Variants in FNBP1L observed in about 807,000 individuals in gnomAD.
FNBP1L encodes formin binding protein 1 like, also known as formin-binding protein 1-like.
FNBP1L carries 36 observed loss-of-function variants against 91.2 expected under a neutral mutation model. The ratio of observed to expected loss-of-function variants is 0.39; its 90% confidence interval spans 0.30 to 0.52. The LOEUF (loss-of-function observed/expected upper bound fraction) is 0.52. Ranked by LOEUF, FNBP1L falls within the 20% of genes least tolerant of loss-of-function variation. The pLI is 0.66. For missense variants in FNBP1L, 571 were observed against 732.1 expected (o/e 0.78, Z 2.54); for synonymous variants, 242 against 237.0 (o/e 1.02, Z -0.19).
At chr1:93,534,989 T>TTTGCAAAA (rs1671798450) in intron 9 of FNBP1L, 81 bp downstream of exon 9, 2 of 1,072,290 alleles carry the variant, frequency 1.9e-6, no homozygotes, top group Non-Finnish European at 2.7e-6. Context: ...GCAAAATGAT[T>TTTGCAAAA]TACCATTAAT....
chr1:93,522,076 C>T lies in FNBP1L; in HGVS notation c.141-6C>T. On this transcript the variant is annotated splice_polypyrimidine_tract_variant and splice_region_variant and intron_variant, in intron 2 of 16. Coordinates refer to ENST00000271234, the MANE Select transcript of FNBP1L (RefSeq NM_001164473.3). The stretch of plus-strand genomic sequence containing the variant: ...TAATAAACTTTAAAAAATCTTCTTC[C>T]TATAGAAATCTGGTTAAGAAGTACT... 1 of 1,501,814 alleles carries T rather than the reference C, an allele frequency of 6.7e-7. No homozygotes were observed. Among genetic ancestry groups the T allele is most frequent in the Admixed American group, 2.1e-5 (1 of 46,752 alleles). 93.0% of individuals were successfully genotyped at this position (1,501,814 alleles called of 1,614,324 possible).
At chr1:93,499,808 C>T (rs1413634509) in intron 2 of FNBP1L, among the ~76,000 whole-genome samples, 2 of 152,078 alleles carry the variant, frequency 1.3e-5, no homozygotes, top group Non-Finnish European at 2.9e-5. Context: ...CAGAAAGACA[C>T]TTAAAAATCT....
At chr1:93,516,415 A>G (rs946984509) in intron 2 of FNBP1L, among the ~76,000 whole-genome samples, 4 of 152,164 alleles carry the variant, frequency 2.6e-5, no homozygotes, top group African/African-American at 9.7e-5. Flanking sequence ...TTCCACCCAC[A>G]GGAGTTCTGG....
chr1:93,518,389 G>C (rs964537401), intron 2 of FNBP1L, among the ~76,000 whole-genome samples: 2 of 152,124 alleles, frequency 1.3e-5, no homozygotes, highest in African/African-American at 4.8e-5. Flanking sequence ...ATTTTATAAA[G>C]TAGTCACAAG....
intron 2 of FNBP1L, among the ~76,000 whole-genome samples, chr1:93,509,539 T>C (rs752023025): frequency 9.9e-5 from 15 of 152,184 alleles, no homozygotes; most frequent in Non-Finnish European, 1.9e-4. Flanking sequence ...GTAAAACGTG[T>C]CCCCTACAGA....
chr1:93,492,376 A>T (rs990537096), intron 1 of FNBP1L, among the ~76,000 whole-genome samples: 2 of 152,210 alleles, frequency 1.3e-5, no homozygotes, highest in African/African-American at 4.8e-5. Flanking sequence ...TGCATTATTT[A>T]AATGCATGGG....
At chr1:93,490,788 G>A (rs1487261361) in intron 1 of FNBP1L, among the ~76,000 whole-genome samples, 1 of 152,150 alleles carries the variant, frequency 6.6e-6, no homozygotes. Context: ...AGTTTGTCAT[G>A]ATCTTTTCCC....
intron 3 of FNBP1L, among the ~76,000 whole-genome samples, chr1:93,522,462 TTTACTC>T (rs1215636938): frequency 2.6e-5 from 4 of 152,276 alleles, no homozygotes; most frequent in Admixed American, 6.5e-5. Flanking sequence ...GATTCTTGCT[TTTACTC>T]TTATAGATAG....
intron 1 of FNBP1L, among the ~76,000 whole-genome samples, chr1:93,495,042 G>T (rs1453144119): frequency 6.6e-6 from 1 of 152,176 alleles, no homozygotes; most frequent in Admixed American, 6.5e-5. Flanking sequence ...GTGAGATTTG[G>T]GTGGGGACAC....
rs555737202 is a variant in FNBP1L, at chr1:93,523,205, T to A, written c.195-139T>A. ...GCTTAATGCAGGATTTTTTTCCATATGAAGTTAATTTAGAACTAGTAGCTG... is the reference window on the plus strand; with the variant it reads ...GCTTAATGCAGGATTTTTTTCCATAAGAAGTTAATTTAGAACTAGTAGCTG... On this transcript the variant is annotated intron_variant, in intron 3 of 16. Coordinates refer to ENST00000271234, the MANE Select transcript of FNBP1L (RefSeq NM_001164473.3). 2.4e-5 allele frequency: 18 copies of A among 745,512 alleles called. No individual in the cohort carries two copies. The Admixed American group carries it at 5.7e-4, about 24-fold the overall frequency. 46.2% of individuals were successfully genotyped at this position (745,512 alleles called of 1,614,324 possible).
chr1:93,520,073 T>C (rs1439006054), intron 2 of FNBP1L, among the ~76,000 whole-genome samples: 1 of 152,180 alleles, frequency 6.6e-6, no homozygotes, highest in Non-Finnish European at 1.5e-5. Flanking sequence ...TGTTAGGTCT[T>C]CCTTTTCTTT....
At chr1:93,511,876 G>A (rs2101738001) in intron 2 of FNBP1L, among the ~76,000 whole-genome samples, 1 of 148,252 alleles carries the variant, frequency 6.7e-6, no homozygotes, top group Non-Finnish European at 1.5e-5. Context: ...TGAGGCAGGA[G>A]AATGGCGTGA....
intron 1 of FNBP1L, among the ~76,000 whole-genome samples, chr1:93,463,021 G>A (rs755253585): frequency 3.9e-5 from 6 of 152,086 alleles, no homozygotes; most frequent in African/African-American, 1.4e-4. Flanking sequence ...TGAACTGATG[G>A]ATATTTGCTT....
chr1:93,514,567 G>C (rs1236048758), intron 2 of FNBP1L, among the ~76,000 whole-genome samples: 2 of 152,190 alleles, frequency 1.3e-5, no homozygotes, highest in African/African-American at 2.4e-5. Context: ...TACCAACACA[G>C]AGATGTAGAT....
At chr1:93,543,975 T>TGAATCA in intron 11 of FNBP1L, 132 bp from the exon 12 acceptor site, 1 of 507,362 alleles carries the variant, frequency 2.0e-6, no homozygotes, top group Non-Finnish European at 3.4e-6. Context: ...TTCTTTTTTT[T>TGAATCA]TTAAGGGGTT....
chr1:93,493,908 G>C (rs1670178814), intron 1 of FNBP1L, among the ~76,000 whole-genome samples: 1 of 152,110 alleles, frequency 6.6e-6, no homozygotes, highest in East Asian at 1.9e-4. Context: ...TGTTCCTTCT[G>C]ACACCAAACA....
chr1:93,516,037 A>C (rs1671093717), intron 2 of FNBP1L, among the ~76,000 whole-genome samples: 1 of 152,226 alleles, frequency 6.6e-6, no homozygotes, highest in Non-Finnish European at 1.5e-5. Flanking sequence ...TTGTTAAATC[A>C]GAAACTCAGT....
Position 93,542,443 on chromosome 1 carries a change from G to GAAAA in FNBP1L, c.1164+1407_1164+1410dup, listed in dbSNP as rs61650755. On this transcript the variant is annotated intron_variant, in intron 11 of 16. Coordinates refer to ENST00000271234, the MANE Select transcript of FNBP1L (RefSeq NM_001164473.3). ...TCCTTGTTTCTGGTGATTGGTAAATGAAAAAAAAAAAAAAAAAAAAAAAGC... is the reference window on the plus strand; with the variant it reads ...TCCTTGTTTCTGGTGATTGGTAAATGAAAAAAAAAAAAAAAAAAAAAAAAAAAGC... 1.4e-3 allele frequency among the ~76,000 whole-genome samples: 115 copies of GAAAA among 82,546 alleles called. 5 individuals carry two copies. The highest frequency in any genetic ancestry group is 4.5e-3 in the African/African-American group (98 of 21,666). 54.2% of individuals were successfully genotyped at this position (82,546 alleles called of 152,430 possible).
chr1:93,534,908 G>A lies in FNBP1L; in HGVS notation c.990G>A (p.Lys330=). 1 of 1,560,958 alleles carries A rather than the reference G, an allele frequency of 6.4e-7. No homozygotes were observed. Among genetic ancestry groups the A allele is most frequent in the Non-Finnish European group, 8.7e-7 (1 of 1,151,782 alleles). ...GKLWLFGKKP[K]PQSPPLTPTS... ...TGTGGCTCTTTGGAAAGAAGCCAAA[G>A]GTAAAAGTCATAAAATTCCTATATG... is the stretch of plus-strand genomic sequence containing the variant. Residue 330 remains lysine, a splice_region_variant and synonymous_variant, in exon 9 of 17, where the codon AAG becomes AAA. Transcript: ENST00000271234.
Sources: gnomAD v4.1 joint callset for allele counts (sites outside exome capture counted in the v4.1 genomes callset) on GRCh38, gnomAD v4.1.1 for gene constraint, MANE v1.5 for transcripts, NCBI Gene and HGNC (gene_info 2026-07-23, HGNC 2026-07-21) for gene names.